The following NAALADL2 variants were observed in gnomAD, a reference collection of about 807,000 sequenced individuals.
NAALADL2 encodes N-acetylated alpha-linked acidic dipeptidase like 2, also known as inactive N-acetylated-alpha-linked acidic dipeptidase-like protein 2.
NAALADL2 carries 76 observed loss-of-function variants against 87.2 expected under a neutral mutation model. The observed-to-expected ratio is 0.87, with a 90% confidence interval of 0.72 to 1.05. NAALADL2 has a LOEUF of 1.05. Among genes scored for constraint, NAALADL2 ranks in the 50% least tolerant of loss-of-function variants. The pLI is 0.00. For synonymous variants in NAALADL2, 354 were observed against 331.0 expected (o/e 1.07, Z -0.75); for missense variants, 1,089 against 945.8 (o/e 1.15, Z -1.99).
intron 1 of NAALADL2, among the ~76,000 whole-genome samples, chr3:174,952,362 A>G (rs903809917): frequency 1.3e-5 from 2 of 152,166 alleles, no homozygotes; most frequent in African/African-American, 4.8e-5. Flanking sequence ...GCCTAATTAT[A>G]TAATTCTCAG....
rs1560662934 is a variant in NAALADL2, at chr3:175,502,231, GT to G, written c.1653+30474del. Among the ~76,000 whole-genome samples, 90 of 104,788 alleles carry G rather than the reference GT, an allele frequency of 8.6e-4. 1 individual carries two copies. The highest frequency in any genetic ancestry group is 4.1e-3 in the African/African-American group (86 of 20,758). 68.7% of individuals were successfully genotyped at this position (104,788 alleles called of 152,430 possible). ...TATTTGGCAAACCATTATCCTGGGT[GT>G]GTGTGTGTGTGTGTGTGTGTGTGTC... On this transcript the variant is annotated intron_variant, in intron 9 of 13. Transcript: ENST00000454872.
chr3:175,530,044 G>T (rs1180833465), intron 9 of NAALADL2, among the ~76,000 whole-genome samples: 1 of 152,170 alleles, frequency 6.6e-6, no homozygotes, highest in East Asian at 1.9e-4. Flanking sequence ...AGCCAGGTCA[G>T]ACTTGGTGAG....
intron 3 of NAALADL2, among the ~76,000 whole-genome samples, chr3:174,804,176 G>A (rs1276216814): frequency 2.0e-5 from 3 of 152,076 alleles, no homozygotes; most frequent in East Asian, 3.9e-4. Context: ...CCTTGAGGAG[G>A]TCCTTCACAT....
At chr3:175,742,088 G>A (rs1745301965) in intron 12 of NAALADL2, among the ~76,000 whole-genome samples, 1 of 152,134 alleles carries the variant, frequency 6.6e-6, no homozygotes, top group African/African-American at 2.4e-5. Flanking sequence ...GCCTTATCTG[G>A]TTTAGTGAAA....
At chr3:174,740,392 T>G (rs548181370) in intron 3 of NAALADL2, among the ~76,000 whole-genome samples, 2 of 152,096 alleles carry the variant, frequency 1.3e-5, no homozygotes, top group African/African-American at 4.8e-5. Context: ...TCTTCTGATA[T>G]CCATTTAACA....
At chr3:174,454,429 A>C (rs11917627) in intron 1 of NAALADL2, among the ~76,000 whole-genome samples, 2 of 151,964 alleles carry the variant, frequency 1.3e-5, no homozygotes, top group African/African-American at 2.4e-5. Flanking sequence ...GGAAAAACAG[A>C]ATATACATTC....
At chr3:174,634,073 A>G (rs565377456) in intron 2 of NAALADL2, among the ~76,000 whole-genome samples, 1 of 152,314 alleles carries the variant, frequency 6.6e-6, no homozygotes, top group South Asian at 2.1e-4. Flanking sequence ...GGTGCCAACA[A>G]ATACATATTT....
At chr3:174,835,720 G>C (rs1417023084) in intron 3 of NAALADL2, among the ~76,000 whole-genome samples, 1 of 151,978 alleles carries the variant, frequency 6.6e-6, no homozygotes, top group Non-Finnish European at 1.5e-5. Context: ...CTTTAACGAA[G>C]ATATACAAAT....
chr3:175,517,975 G>A (rs1224402623), intron 9 of NAALADL2, among the ~76,000 whole-genome samples: 1 of 152,142 alleles, frequency 6.6e-6, no homozygotes, highest in Non-Finnish European at 1.5e-5. Context: ...TTTCCACTTG[G>A]CCAGTGCCAT....
At chr3:175,550,642 A>C (rs1582362267) in intron 9 of NAALADL2, among the ~76,000 whole-genome samples, 2 of 152,280 alleles carry the variant, frequency 1.3e-5, no homozygotes, top group Middle Eastern at 6.8e-3. Context: ...TATTGTCCTT[A>C]ATCTGCTTGG....
At chr3:174,580,763 T>C (rs1716079883) in intron 2 of NAALADL2, among the ~76,000 whole-genome samples, 1 of 152,138 alleles carries the variant, frequency 6.6e-6, no homozygotes, top group African/African-American at 2.4e-5. Context: ...TGAAGGAAAT[T>C]TGGCTTATTT....
rs1228202577 is a variant in NAALADL2 at position 175,131,873 on chromosome 3, AC to A, written c.545+34589del. Reference sequence around the variant, plus strand: ...GGGGCGGCTGGCCGGGCGGGGTCTGACCCCCCCACCTCCCTCCCAGACGGGG... The same window carrying A: ...GGGGCGGCTGGCCGGGCGGGGTCTGACCCCCCACCTCCCTCCCAGACGGGG... On this transcript the variant is annotated intron_variant, in intron 2 of 13. Coordinates refer to ENST00000454872, the MANE Select transcript of NAALADL2 (RefSeq NM_207015.3). Among the ~76,000 whole-genome samples, 36 of 28,200 alleles carry A rather than the reference AC, an allele frequency of 1.3e-3. 2 individuals are homozygous for A. The East Asian group carries it at 0.052, about 41-fold the overall frequency. The allele number at this position is 28,200 out of a possible 152,430, so 18.5% of individuals were successfully genotyped here.
At chr3:174,540,132 G>C (rs1460147036) in intron 1 of NAALADL2, among the ~76,000 whole-genome samples, 2 of 151,902 alleles carry the variant, frequency 1.3e-5, no homozygotes, top group African/African-American at 4.8e-5. Context: ...GCAAGTAATA[G>C]AACTGGGAAG....
intron 11 of NAALADL2, among the ~76,000 whole-genome samples, chr3:175,655,844 G>A (rs1202689336): frequency 1.3e-5 from 2 of 152,028 alleles, no homozygotes; most frequent in East Asian, 3.9e-4. Flanking sequence ...ACAGATGTTA[G>A]AATTTACACT....
chr3:175,417,117 G>GAAA (rs11424007), intron 5 of NAALADL2, among the ~76,000 whole-genome samples: 4 of 125,468 alleles, frequency 3.2e-5, no homozygotes, highest in African/African-American at 6.1e-5. Flanking sequence ...GAAGAGAAAA[G>GAAA]AAAAAAAAAA....
intron 2 of NAALADL2, among the ~76,000 whole-genome samples, chr3:175,217,684 G>C (rs1430584756): frequency 6.6e-6 from 1 of 152,158 alleles, no homozygotes; most frequent in Admixed American, 6.5e-5. Context: ...AAATATCAAA[G>C]CTCTAGTTTT....
At chr3:174,561,306 TCTC>T (rs1375895681) in intron 2 of NAALADL2, among the ~76,000 whole-genome samples, 4 of 151,678 alleles carry the variant, frequency 2.6e-5, no homozygotes, top group South Asian at 2.1e-4. Context: ...TTCAAGCTAT[TCTC>T]CTATCTCAGC....
chr3:174,807,483 C>T (rs948287554), intron 3 of NAALADL2, among the ~76,000 whole-genome samples: 1 of 151,990 alleles, frequency 6.6e-6, no homozygotes, highest in Non-Finnish European at 1.5e-5. Context: ...TTAAATTATT[C>T]TTTTTCTGTT....
chr3:175,160,000 C>CTTTTTTTTTTT (rs58734561), intron 2 of NAALADL2, among the ~76,000 whole-genome samples: 4 of 134,098 alleles, frequency 3.0e-5, no homozygotes, highest in East Asian at 2.2e-4. Context: ...CCACTCGTGA[C>CTTTTTTTTTTT]TTTTTTTTTT....
Sources: allele counts gnomAD v4.1 joint callset (sites outside exome capture counted in the v4.1 genomes callset), GRCh38; gene constraint gnomAD v4.1.1; transcripts MANE v1.5; gene names NCBI Gene and HGNC (gene_info 2026-07-23, HGNC 2026-07-21).